The following ASTN2 variants were observed in gnomAD, a reference collection of about 807,000 sequenced individuals.
ASTN2 encodes the protein astrotactin-2.
A neutral mutation model predicts 139.8 loss-of-function variants in ASTN2; 54 were observed. That is an observed-to-expected ratio of 0.39 (90% confidence interval 0.31 to 0.48). The LOEUF is 0.48. Among genes scored for constraint, ASTN2 ranks in the 20% least tolerant of loss-of-function variants. The pLI, the probability that ASTN2 is intolerant of heterozygous loss-of-function variation, is 0.95. For missense variants in ASTN2, 1,565 were observed against 1,725.1 expected (o/e 0.91, Z 1.64); for synonymous variants, 756 against 719.5 (o/e 1.05, Z -0.81).
At chr9:117,281,817 T>C (rs1834332430) in intron 2 of ASTN2, among the ~76,000 whole-genome samples, 1 of 152,116 alleles carries the variant, frequency 6.6e-6, no homozygotes, top group Admixed American at 6.5e-5. Context: ...CCATGGCCTC[T>C]TCTCAGATCC....
intron 2 of ASTN2, among the ~76,000 whole-genome samples, chr9:117,254,522 C>G (rs1335970154): frequency 6.6e-6 from 1 of 152,100 alleles, no homozygotes; most frequent in African/African-American, 2.4e-5. Flanking sequence ...AAATGGGGAT[C>G]GTTTATGGTT....
At chr9:117,264,256 A>G (rs1833892292) in intron 2 of ASTN2, among the ~76,000 whole-genome samples, 2 of 152,110 alleles carry the variant, frequency 1.3e-5, no homozygotes, top group Non-Finnish European at 2.9e-5. Context: ...CTTGATGTAC[A>G]TAGAGATCTT....
intron 1 of ASTN2, among the ~76,000 whole-genome samples, chr9:117,297,408 C>T (rs763729752): frequency 1.4e-4 from 21 of 152,162 alleles, no homozygotes; most frequent in Non-Finnish European, 2.4e-4. Flanking sequence ...GGGAAATAAT[C>T]GCAAATACTC....
chr9:116,851,280 G>A lies in ASTN2; in HGVS notation c.2040+12303C>T, dbSNP rs1000857575. On this transcript the variant is annotated intron_variant, in intron 11 of 22. Transcript: ENST00000313400. The stretch of plus-strand genomic sequence containing the variant: ...GACAGGGTCTTGGCCACTTCCAGAA[G>A]GGAGGACAGGGTTACAATTGGAAAT... 4.6e-5 allele frequency among the ~76,000 whole-genome samples: 7 copies of A among 152,264 alleles called. No individual in the cohort carries two copies. In the South Asian group the frequency reaches 1.5e-3, roughly 32 times the overall value.
At chr9:116,671,575 T>A (rs1859197431) in intron 16 of ASTN2, among the ~76,000 whole-genome samples, 1 of 152,136 alleles carries the variant, frequency 6.6e-6, no homozygotes, top group Non-Finnish European at 1.5e-5. Context: ...TACTACCTCC[T>A]CCACTTGAGT....
At position 116,607,777 on chromosome 9, in the gene ASTN2, C is replaced by T. The variant is rs142398093; in HGVS notation, c.3355+10547G>A. 6.3e-3 allele frequency among the ~76,000 whole-genome samples: 952 copies of T among 151,630 alleles called. 14 individuals carry two copies. Among genetic ancestry groups the T allele is most frequent in the African/African-American group, 0.022 (890 of 41,324 alleles). On this transcript the variant is annotated intron_variant, in intron 19 of 22. Coordinates refer to ENST00000313400, the MANE Select transcript of ASTN2 (RefSeq NM_001365068.1). The stretch of plus-strand genomic sequence containing the variant: ...GAGATCGAGACCATCCTGGCTAACA[C>T]GGTGAAGCCCCGTCTCTATTTAAAA...
chr9:116,805,914 A>C, intron 12 of ASTN2, 94 bp from the exon 13 acceptor site: 1 of 1,280,658 alleles, frequency 7.8e-7, no homozygotes, highest in African/African-American at 1.5e-5. Flanking sequence ...CCTGCAAAAC[A>C]GGTCAGAGTT....
intron 1 of ASTN2, among the ~76,000 whole-genome samples, chr9:117,375,123 T>C (rs1830089718): frequency 6.6e-6 from 1 of 152,222 alleles, no homozygotes; most frequent in Non-Finnish European, 1.5e-5. Flanking sequence ...TGTACATGTA[T>C]GCACCACACA....
intron 10 of ASTN2, among the ~76,000 whole-genome samples, chr9:116,871,046 C>T (rs528358985): frequency 6.6e-6 from 1 of 152,192 alleles, no homozygotes; most frequent in African/African-American, 2.4e-5. Flanking sequence ...ATCTTGAGGC[C>T]AGGAGATCGA....
At chr9:116,618,993 T>C (rs1855991294) in intron 18 of ASTN2, among the ~76,000 whole-genome samples, 1 of 152,076 alleles carries the variant, frequency 6.6e-6, no homozygotes, top group Admixed American at 6.6e-5. Context: ...GAATGGTCCT[T>C]AGAGATGATG....
chr9:116,647,600 T>A (rs547810028), intron 17 of ASTN2, among the ~76,000 whole-genome samples: 1 of 152,206 alleles, frequency 6.6e-6, no homozygotes, highest in East Asian at 1.9e-4. Flanking sequence ...TTGCTATGCA[T>A]GTGCCAAGAA....
At chr9:117,060,380 A>G (rs1173166831) in intron 5 of ASTN2, among the ~76,000 whole-genome samples, 6 of 77,222 alleles carry the variant, frequency 7.8e-5, no homozygotes, top group African/African-American at 4.0e-4. Flanking sequence ...GAAAGAAAGA[A>G]AGAAAGAAAG....
chr9:117,222,248 G>A (rs1025660192), intron 2 of ASTN2, among the ~76,000 whole-genome samples: 1 of 152,132 alleles, frequency 6.6e-6, no homozygotes, highest in Non-Finnish European at 1.5e-5. Flanking sequence ...ATCTATCTTT[G>A]TGGATAACCT....
At chr9:117,120,944 A>G (rs1381608530) in intron 4 of ASTN2, among the ~76,000 whole-genome samples, 1 of 152,178 alleles carries the variant, frequency 6.6e-6, no homozygotes, top group African/African-American at 2.4e-5. Flanking sequence ...ACTCAAACAA[A>G]TTGTAGGCCC....
intron 1 of ASTN2, among the ~76,000 whole-genome samples, chr9:117,309,148 G>A (rs1357857727): frequency 6.6e-6 from 1 of 152,232 alleles, no homozygotes; most frequent in African/African-American, 2.4e-5. Flanking sequence ...GCTCAGAGAA[G>A]TGCAGACACT....
intron 2 of ASTN2, among the ~76,000 whole-genome samples, chr9:117,284,206 C>T (rs906895623): frequency 6.6e-6 from 1 of 152,092 alleles, no homozygotes; most frequent in Non-Finnish European, 1.5e-5. Context: ...CAGACCCAAG[C>T]GATCCTCCCA....
chr9:117,116,270 C>G (rs991997918), intron 4 of ASTN2, among the ~76,000 whole-genome samples: 3 of 152,122 alleles, frequency 2.0e-5, no homozygotes, highest in Non-Finnish European at 4.4e-5. Flanking sequence ...GAAAGATGAT[C>G]ACACACAAGT....
intron 16 of ASTN2, among the ~76,000 whole-genome samples, chr9:116,681,755 A>G (rs569473742): frequency 2.6e-5 from 4 of 152,344 alleles, no homozygotes; most frequent in African/African-American, 9.6e-5. Flanking sequence ...GACAAAACTG[A>G]GAATAACAAG....
At chr9:117,251,943 A>T (rs894961132) in intron 2 of ASTN2, among the ~76,000 whole-genome samples, 10 of 152,234 alleles carry the variant, frequency 6.6e-5, no homozygotes, top group Admixed American at 6.5e-4. Flanking sequence ...AAGGAAAAAC[A>T]CATCTCCAAG....
Sources: allele counts gnomAD v4.1 joint callset (sites outside exome capture counted in the v4.1 genomes callset), GRCh38; gene constraint gnomAD v4.1.1; transcripts MANE v1.5; gene names NCBI Gene and HGNC (gene_info 2026-07-23, HGNC 2026-07-21).